Variants in OPCML observed in about 807,000 individuals in gnomAD.
OPCML encodes the protein opioid-binding protein/cell adhesion molecule.
In OPCML, 13 loss-of-function variants were observed where a neutral mutation model predicts 37.8. The ratio of observed to expected loss-of-function variants is 0.34; its 90% CI spans 0.22 to 0.55. The LOEUF is 0.55. Ranked by LOEUF, OPCML falls within the 20% of genes least tolerant of loss-of-function variation. OPCML has a pLI of 0.91. For missense variants in OPCML, 341 were observed against 435.6 expected, an observed-to-expected ratio of 0.78 and a Z score of 1.93; for synonymous variants, 176 against 168.8, an observed-to-expected ratio of 1.04 and a Z score of -0.33.
At chr11:133,268,944 G>A (rs1941739124) in intron 1 of OPCML, among the ~76,000 whole-genome samples, 1 of 152,184 alleles carries the variant, frequency 6.6e-6, no homozygotes, top group Non-Finnish European at 1.5e-5. Context: ...TACATCCATT[G>A]TAAAATGCAG....
chr11:132,900,292 C>T (rs911899549), intron 2 of OPCML, among the ~76,000 whole-genome samples: 3 of 152,108 alleles, frequency 2.0e-5, no homozygotes, highest in East Asian at 1.9e-4. Context: ...GGGTGTCATC[C>T]TTGATATCAC....
chr11:132,854,103 T>C (rs189589203), intron 2 of OPCML, among the ~76,000 whole-genome samples: 2 of 152,232 alleles, frequency 1.3e-5, no homozygotes, highest in Admixed American at 1.3e-4. Context: ...ATTACCACAA[T>C]CCCCTTGGGG....
chr11:133,283,584 G>A (rs1391648818), intron 1 of OPCML, among the ~76,000 whole-genome samples: 4 of 152,102 alleles, frequency 2.6e-5, no homozygotes, highest in Non-Finnish European at 5.9e-5. Context: ...TGTTTACACT[G>A]ACACAAAAAT....
At chr11:132,669,112 A>C (rs898454412) in intron 2 of OPCML, among the ~76,000 whole-genome samples, 1 of 152,038 alleles carries the variant, frequency 6.6e-6, no homozygotes, top group Non-Finnish European at 1.5e-5. Flanking sequence ...AATTGTGCAC[A>C]CCTGAAGCAG....
intron 4 of OPCML, among the ~76,000 whole-genome samples, chr11:132,512,543 A>G (rs1248559171): frequency 6.6e-6 from 1 of 152,050 alleles, no homozygotes; most frequent in Non-Finnish European, 1.5e-5. Flanking sequence ...CACACACAAC[A>G]TGAATAAAAC....
At chr11:133,322,969 T>C (rs1238107571) in intron 1 of OPCML, among the ~76,000 whole-genome samples, 3 of 152,230 alleles carry the variant, frequency 2.0e-5, no homozygotes, top group Admixed American at 6.5e-5. Context: ...ATATACAAAA[T>C]TGAGTTAATA....
chr11:132,846,851 C>A (rs1432705664), intron 2 of OPCML, among the ~76,000 whole-genome samples: 1 of 152,164 alleles, frequency 6.6e-6, no homozygotes, highest in Non-Finnish European at 1.5e-5. Context: ...ATCATTTAAC[C>A]ACTCACTTAG....
chr11:133,328,938 C>A (rs573721164), intron 1 of OPCML, among the ~76,000 whole-genome samples: 2 of 152,150 alleles, frequency 1.3e-5, no homozygotes, highest in Non-Finnish European at 2.9e-5. Flanking sequence ...AAAACCCCAT[C>A]GTCTCAGCCC....
intron 7 of OPCML, among the ~76,000 whole-genome samples, chr11:132,421,345 A>G (rs2095958357): frequency 6.6e-6 from 1 of 152,142 alleles, no homozygotes; most frequent in Non-Finnish European, 1.5e-5. Flanking sequence ...CAAAGGAGAC[A>G]GTACACCTCT....
At chr11:133,153,685 G>A (rs1000429606) in intron 1 of OPCML, among the ~76,000 whole-genome samples, 1 of 152,104 alleles carries the variant, frequency 6.6e-6, no homozygotes, top group Non-Finnish European at 1.5e-5. Context: ...TCCACACCAG[G>A]CACCTTTTTC....
At chr11:133,169,027 G>A (rs1026165569) in intron 1 of OPCML, among the ~76,000 whole-genome samples, 2 of 152,184 alleles carry the variant, frequency 1.3e-5, no homozygotes, top group African/African-American at 2.4e-5. Context: ...CTACTTGGGA[G>A]GTTGAGGCAG....
intron 3 of OPCML, among the ~76,000 whole-genome samples, chr11:132,543,453 T>C (rs1256543153): frequency 6.6e-6 from 1 of 152,044 alleles, no homozygotes; most frequent in Non-Finnish European, 1.5e-5. Context: ...TTCAAGGCTA[T>C]GGTTAGCTGT....
chr11:133,238,972 C>A (rs1323151197), intron 1 of OPCML, among the ~76,000 whole-genome samples: 1 of 152,160 alleles, frequency 6.6e-6, no homozygotes, highest in Non-Finnish European at 1.5e-5. Flanking sequence ...GGATCATTAT[C>A]GTCCTCACTC....
At chr11:133,386,240 C>T (rs948278900) in intron 1 of OPCML, among the ~76,000 whole-genome samples, 3 of 152,184 alleles carry the variant, frequency 2.0e-5, no homozygotes, top group Admixed American at 6.5e-5. Flanking sequence ...CTCCTTTTTA[C>T]ATTTTCAGAA....
At chr11:133,159,010 A>G (rs12801807) in intron 1 of OPCML, among the ~76,000 whole-genome samples, 1 of 152,168 alleles carries the variant, frequency 6.6e-6, no homozygotes, top group African/African-American at 2.4e-5. Flanking sequence ...TGTTAATAAG[A>G]TGAGTGAAAT....
At chr11:132,706,751 T>C (rs1443335517) in intron 2 of OPCML, among the ~76,000 whole-genome samples, 1 of 152,152 alleles carries the variant, frequency 6.6e-6, no homozygotes, top group Non-Finnish European at 1.5e-5. Flanking sequence ...CAATTTGAGG[T>C]GTCTGACCCT....
At chr11:132,592,459 G>A (rs2096486035) in intron 3 of OPCML, among the ~76,000 whole-genome samples, 1 of 152,210 alleles carries the variant, frequency 6.6e-6, no homozygotes, top group Non-Finnish European at 1.5e-5. Flanking sequence ...GACAGCAAAG[G>A]GCCAGGGGCC....
intron 1 of OPCML, among the ~76,000 whole-genome samples, chr11:133,480,215 A>G (rs540775609): frequency 6.6e-6 from 1 of 152,118 alleles, no homozygotes; most frequent in South Asian, 2.1e-4. Flanking sequence ...TCATCCATTC[A>G]CTGGTGATCT....
At chr11:132,453,082 G>A (rs1013126678) in intron 4 of OPCML, among the ~76,000 whole-genome samples, 1 of 152,158 alleles carries the variant, frequency 6.6e-6, no homozygotes, top group Non-Finnish European at 1.5e-5. Context: ...GCTCTTGACT[G>A]TTATGACTTC....
Sources: allele counts gnomAD v4.1 joint callset (sites outside exome capture counted in the v4.1 genomes callset), GRCh38; gene constraint gnomAD v4.1.1; transcripts MANE v1.5; gene names NCBI Gene and HGNC (gene_info 2026-07-23, HGNC 2026-07-21).